DTWD2: variants seen among roughly 807,000 people sequenced by gnomAD.
DTWD2 encodes tRNA-uridine aminocarboxypropyltransferase 2.
In DTWD2, 39 loss-of-function variants were observed where a neutral mutation model predicts 31.8. The observed-to-expected ratio is 1.22, with a 90% CI of 0.95 to 1.60. DTWD2 has a LOEUF of 1.60. DTWD2 is among the 40% of genes most tolerant of loss of function. The probability of loss-of-function intolerance (pLI) is 0.00; values close to 1 mark genes in which losing one functional copy is unlikely to be tolerated. For synonymous variants in DTWD2, 180 were observed against 142.8 expected, an observed-to-expected ratio of 1.26 and a Z score of -1.86; for missense variants, 515 against 381.5, an observed-to-expected ratio of 1.35 and a Z score of -2.92.
intron 1 of DTWD2, chr5:118,974,460 C>A: frequency 6.3e-6 from 3 of 473,812 alleles, no homozygotes; most frequent in South Asian, 1.7e-5. Context: ...TCTCCGATGA[C>A]CAAACCAGCC....
intron 1 of DTWD2, among the ~76,000 whole-genome samples, chr5:118,948,333 T>C (rs965857935): frequency 1.3e-5 from 2 of 151,444 alleles, no homozygotes; most frequent in Admixed American, 6.6e-5. Flanking sequence ...AAAAAAAAAT[T>C]AGCCGGGCAT....
intron 1 of DTWD2, among the ~76,000 whole-genome samples, chr5:118,962,191 T>C (rs949528571): frequency 1.3e-5 from 2 of 152,036 alleles, no homozygotes; most frequent in Non-Finnish European, 1.5e-5. Flanking sequence ...TGAGCCGAGA[T>C]CACGCCATTG....
chr5:118,867,892 C>CT (rs1332157881), intron 4 of DTWD2, among the ~76,000 whole-genome samples: 1 of 152,142 alleles, frequency 6.6e-6, no homozygotes, highest in African/African-American at 2.4e-5. Context: ...ATCCCAAGTC[C>CT]TTTTTGCAGA....
At chr5:118,864,892 G>A (rs560403425) in intron 4 of DTWD2, among the ~76,000 whole-genome samples, 7 of 152,154 alleles carry the variant, frequency 4.6e-5, no homozygotes. Context: ...TTGCTAGGCT[G>A]CCAAAGCCAT....
chr5:118,896,125 A>G (rs76356866), intron 4 of DTWD2, among the ~76,000 whole-genome samples: 1 of 152,278 alleles, frequency 6.6e-6, no homozygotes, highest in African/African-American at 2.4e-5. Context: ...ATGAGCGAAA[A>G]TGTGAAACAG....
rs1396856766 is a variant in DTWD2 at position 118,838,987 on chromosome 5, C to G, written c.*1930G>C. 5 of 151,826 alleles carry G rather than the reference C, an allele frequency of 3.3e-5. No individual in the cohort carries two copies. Among genetic ancestry groups the G allele is most frequent in the Non-Finnish European group, 5.9e-5 (4 of 68,026 alleles). 9.4% of individuals were successfully genotyped at this position (151,826 alleles called of 1,614,324 possible). Reference sequence around the variant, plus strand: ...ACCATCCTGGCTAATACGGTGAAACCCCATCTCTACTAAAAATACAAAAAA... The same window carrying G: ...ACCATCCTGGCTAATACGGTGAAACGCCATCTCTACTAAAAATACAAAAAA... On this transcript the variant is annotated 3_prime_UTR_variant, in exon 6 of 6. Transcript: ENST00000510708.
At position 118,966,104 on chromosome 5, in the gene DTWD2, A is replaced by G. The variant is rs113426851; in HGVS notation, c.219-21455T>C. On this transcript the variant is annotated intron_variant, in intron 1 of 5. Transcript: ENST00000510708. The stretch of plus-strand genomic sequence containing the variant: ...AAGATATCAGCTACGGTTTGGGTGC[A>G]GTCATGCATTGCCTAGAAAAAAACC... 4.0e-3 allele frequency among the ~76,000 whole-genome samples: 611 copies of G among 152,294 alleles called. 6 individuals are homozygous for G. The highest frequency in any genetic ancestry group is 0.014 in the African/African-American group (595 of 41,566).
chr5:118,878,150 G>GA (rs1394244555), intron 4 of DTWD2, among the ~76,000 whole-genome samples: 1 of 152,020 alleles, frequency 6.6e-6, no homozygotes, highest in Non-Finnish European at 1.5e-5. Flanking sequence ...CACAGAACTA[G>GA]AAAAAAACTA....
At chr5:118,951,696 G>A (rs1049967182) in intron 1 of DTWD2, among the ~76,000 whole-genome samples, 1 of 152,144 alleles carries the variant, frequency 6.6e-6, no homozygotes, top group South Asian at 2.1e-4. Context: ...GGAGAAGAAG[G>A]AGGAATGGAG....
At chr5:118,984,404 T>C (rs1755375093) in intron 1 of DTWD2, among the ~76,000 whole-genome samples, 1 of 150,010 alleles carries the variant, frequency 6.7e-6, no homozygotes, top group African/African-American at 2.5e-5. Context: ...GAGGTTGCAG[T>C]GAGCTGAGAT....
chr5:118,892,402 G>C (rs1422258039), intron 4 of DTWD2, among the ~76,000 whole-genome samples: 1 of 151,988 alleles, frequency 6.6e-6, no homozygotes, highest in Non-Finnish European at 1.5e-5. Context: ...AAGTATATCG[G>C]TTTAAAAACT....
intron 4 of DTWD2, among the ~76,000 whole-genome samples, chr5:118,891,399 T>C (rs1304421904): frequency 2.6e-5 from 4 of 152,196 alleles, no homozygotes; most frequent in East Asian, 3.8e-4. Context: ...ACAGCTCTTC[T>C]TTCTCTGAAT....
intron 1 of DTWD2, among the ~76,000 whole-genome samples, chr5:118,970,672 C>G (rs950113418): frequency 6.6e-6 from 1 of 151,998 alleles, no homozygotes; most frequent in African/African-American, 2.4e-5. Flanking sequence ...AAGATCTACC[C>G]CAAGACACGT....
chr5:118,961,632 A>G (rs1754708644), intron 1 of DTWD2, among the ~76,000 whole-genome samples: 1 of 152,200 alleles, frequency 6.6e-6, no homozygotes, highest in African/African-American at 2.4e-5. Flanking sequence ...CTGCATGAAC[A>G]TCCATCCTTA....
chr5:118,920,569 G>C (rs144817158), intron 4 of DTWD2, among the ~76,000 whole-genome samples: 2,347 of 151,578 alleles, frequency 0.015, 63 homozygotes, highest in African/African-American at 0.054. Flanking sequence ...TTTTTTATTA[G>C]GCATTTTTAA....
intron 1 of DTWD2, among the ~76,000 whole-genome samples, chr5:118,946,945 A>G (rs1754351722): frequency 6.6e-6 from 1 of 152,124 alleles, no homozygotes; most frequent in African/African-American, 2.4e-5. Context: ...TTTCACCACT[A>G]TGGCCAAGCT....
chr5:118,855,162 G>T (rs1752100598), intron 4 of DTWD2, among the ~76,000 whole-genome samples: 1 of 145,948 alleles, frequency 6.9e-6, no homozygotes. Context: ...GCAAAACTCT[G>T]TCTCAAAAAA....
chr5:118,956,976 T>A (rs985527098), intron 1 of DTWD2, among the ~76,000 whole-genome samples: 4 of 152,094 alleles, frequency 2.6e-5, no homozygotes, highest in Non-Finnish European at 5.9e-5. Flanking sequence ...TAAGATAAAG[T>A]CATTGTCAGA....
At chr5:118,925,075 A>G (rs1753780634) in intron 4 of DTWD2, among the ~76,000 whole-genome samples, 1 of 152,228 alleles carries the variant, frequency 6.6e-6, no homozygotes, top group Admixed American at 6.5e-5. Context: ...AATAAAAACT[A>G]TAAAGAATTT....
Sources: allele counts gnomAD v4.1 joint callset (sites outside exome capture counted in the v4.1 genomes callset), GRCh38; gene constraint gnomAD v4.1.1; transcripts MANE v1.5; gene names NCBI Gene and HGNC (gene_info 2026-07-23, HGNC 2026-07-21).